ARK2C: variants seen among roughly 807,000 people sequenced by gnomAD.
ARK2C encodes arkadia (RNF111) C-terminal like ring finger ubiquitin ligase 2C, also known as E3 ubiquitin-protein ligase ARK2C.
the ARK2C span, among the ~76,000 whole-genome samples, chr18:46,368,384 C>T: frequency 0.22 from 33,716 of 152,074 alleles, 4,017 homozygotes; most frequent in African/African-American, 0.28. Flanking sequence ...ACCCTAAACC[C>T]CCAGAACCAC....
At chr18:46,374,176 CAG>C in the ARK2C span, among the ~76,000 whole-genome samples, 1 of 152,132 alleles carries the variant, frequency 6.6e-6, no homozygotes, top group Non-Finnish European at 1.5e-5. Context: ...CCGAGAAACT[CAG>C]GGGTCAGCCA....
the ARK2C span, among the ~76,000 whole-genome samples, chr18:46,413,562 A>G: frequency 6.6e-6 from 1 of 151,944 alleles, no homozygotes; most frequent in East Asian, 1.9e-4. Flanking sequence ...GTCTCAGTTT[A>G]CTTATCTCTT....
the ARK2C span, among the ~76,000 whole-genome samples, chr18:46,381,389 C>A: frequency 6.6e-6 from 1 of 152,334 alleles, no homozygotes. Context: ...CTGGGCCTCA[C>A]CTCTGCAGTC....
At chr18:46,353,451 G>A in the ARK2C span, among the ~76,000 whole-genome samples, 4 of 152,296 alleles carry the variant, frequency 2.6e-5, no homozygotes, top group Admixed American at 2.6e-4. Context: ...CAGGGTTGCT[G>A]TGGGAGTGAA....
chr18:46,404,656 G>A, the ARK2C span, among the ~76,000 whole-genome samples: 1 of 152,072 alleles, frequency 6.6e-6, no homozygotes, highest in African/African-American at 2.4e-5. Flanking sequence ...GGGAGGCTGA[G>A]GCAGGAGAAT....
chr18:46,361,450 C>T, the ARK2C span, among the ~76,000 whole-genome samples: 545 of 152,262 alleles, frequency 3.6e-3, 4 homozygotes, highest in Non-Finnish European at 5.7e-3. Flanking sequence ...GTATGGCAGG[C>T]ACATGATCCA....
the ARK2C span, among the ~76,000 whole-genome samples, chr18:46,383,070 CCTT>C: frequency 6.6e-6 from 1 of 152,246 alleles, no homozygotes; most frequent in Non-Finnish European, 1.5e-5. Context: ...CTCATGCCTG[CCTT>C]CTTCTCAGCA....
chr18:46,428,945 T>C, the ARK2C span, among the ~76,000 whole-genome samples: 1 of 152,186 alleles, frequency 6.6e-6, no homozygotes, highest in African/African-American at 2.4e-5. Flanking sequence ...TAGACATGCT[T>C]ATCTTCTACT....
the ARK2C span, among the ~76,000 whole-genome samples, chr18:46,349,817 C>T: frequency 2.3e-4 from 35 of 152,320 alleles, no homozygotes; most frequent in African/African-American, 6.0e-4. Flanking sequence ...ACGCTGCACA[C>T]GATCCACCCA....
At chr18:46,440,504 A>T in the ARK2C span, among the ~76,000 whole-genome samples, 1 of 152,194 alleles carries the variant, frequency 6.6e-6, no homozygotes, top group Admixed American at 6.5e-5. Flanking sequence ...CATATCCCTC[A>T]CAGAAAAGGA....
the ARK2C span, among the ~76,000 whole-genome samples, chr18:46,393,321 G>C: frequency 6.6e-6 from 1 of 152,322 alleles, no homozygotes; most frequent in African/African-American, 2.4e-5. Context: ...CCGGTGGAGA[G>C]CAGTCTCGAG....
At chr18:46,346,569 C>A in the ARK2C span, among the ~76,000 whole-genome samples, 1 of 152,164 alleles carries the variant, frequency 6.6e-6, no homozygotes, top group African/African-American at 2.4e-5. Flanking sequence ...AGCTTGACCA[C>A]CTACCAGCTG....
At chr18:46,382,873 G>T in the ARK2C span, among the ~76,000 whole-genome samples, 1 of 152,200 alleles carries the variant, frequency 6.6e-6, no homozygotes, top group Non-Finnish European at 1.5e-5. Flanking sequence ...CATCCCTCCT[G>T]GACCGTCAGA....
chr18:46,383,756 G>C, the ARK2C span, among the ~76,000 whole-genome samples: 1 of 151,908 alleles, frequency 6.6e-6, no homozygotes, highest in Non-Finnish European at 1.5e-5. Context: ...GGGTTTCACC[G>C]TGTTGGCCAG....
the ARK2C span, among the ~76,000 whole-genome samples, chr18:46,338,945 G>T: frequency 3.3e-5 from 5 of 152,124 alleles, no homozygotes; most frequent in Non-Finnish European, 7.4e-5. Context: ...CTTCTTTGTG[G>T]CTTCATGCAA....
At chr18:46,427,915 T>C in the ARK2C span, among the ~76,000 whole-genome samples, 1 of 151,918 alleles carries the variant, frequency 6.6e-6, no homozygotes, top group Non-Finnish European at 1.5e-5. Flanking sequence ...CTGGAGGAGC[T>C]GAGAGGAGAC....
At chr18:46,363,097 G>A in the ARK2C span, among the ~76,000 whole-genome samples, 1 of 152,082 alleles carries the variant, frequency 6.6e-6, no homozygotes, top group Non-Finnish European at 1.5e-5. Flanking sequence ...CCCATTGTCT[G>A]GCCCAGTGCT....
At chr18:46,345,125 G>A in the ARK2C span, among the ~76,000 whole-genome samples, 4 of 152,244 alleles carry the variant, frequency 2.6e-5, no homozygotes, top group Non-Finnish European at 4.4e-5. Flanking sequence ...GCGATGCAGG[G>A]CTGCTGGCTG....
At chr18:46,440,011 G>A in the ARK2C span, among the ~76,000 whole-genome samples, 103,877 of 152,078 alleles carry the variant, frequency 0.68, 36,182 homozygotes, top group African/African-American at 0.73. Flanking sequence ...TGTATTTTTA[G>A]TAGAGACAGG....
Sources: gnomAD v4.1 joint callset for allele counts (sites outside exome capture counted in the v4.1 genomes callset) on GRCh38, gnomAD v4.1.1 for gene constraint, MANE v1.5 for transcripts, NCBI Gene and HGNC (gene_info 2026-07-23, HGNC 2026-07-21) for gene names.